The following DLG3 variants were observed in gnomAD, a reference collection of about 807,000 sequenced individuals.
DLG3 encodes discs large MAGUK scaffold protein 3.
A neutral mutation model predicts 64.1 loss-of-function variants in DLG3; 1 was observed. The ratio of observed to expected loss-of-function variants is 0.02; its 90% CI spans 0.01 to 0.07. The LOEUF is 0.07. Ranked by LOEUF, DLG3 falls within the 10% of genes least tolerant of loss-of-function variation. DLG3 has a pLI of 1.00. For synonymous variants in DLG3, 245 were observed against 259.8 expected (o/e 0.94, Z 0.55); for missense variants, 429 against 669.5 (o/e 0.64, Z 3.96).
chrX:70,452,870 A>AAC, intron 7 of DLG3: 1 of 765,300 alleles, frequency 1.3e-6, no homozygotes, highest in Non-Finnish European at 1.8e-6. Flanking sequence ...TCCTCCGAGG[A>AAC]AAGATGCTTG....
intron 12 of DLG3, 86 bp downstream of exon 12, chrX:70,492,682 G>T (rs2087379659): frequency 1.2e-6 from 1 of 867,610 alleles, no homozygotes; most frequent in South Asian, 2.1e-5. Flanking sequence ...GGAGAACTGG[G>T]GAACACAAAA....
At position 70,499,750 on chromosome X, in the gene DLG3, CACTT is replaced by C. The variant is rs1464448426; in HGVS notation, c.1973-122_1973-119del. The C allele has an allele frequency of 7.6e-6, 5 of 656,393 alleles. No individual in the cohort carries two copies. The Admixed American group carries it at 1.3e-4, about 18-fold the overall frequency. 54.1% of individuals were successfully genotyped at this position (656,393 alleles called of 1,213,427 possible). A position where few individuals can be genotyped will look rare whatever the true frequency, so the allele number is the denominator to read the frequency against. ...CGCTTCCCAACTGCTTGTTTTCTCC[CACTT>C]ACTTGAAAAAAAAAATGGAGTGGCC... On this transcript the variant is annotated intron_variant, in intron 15 of 18. Transcript: ENST00000374360.
chrX:70,454,429 G>C (rs1042168752), intron 9 of DLG3, 113 bp downstream of exon 9: 12 of 631,278 alleles, frequency 1.9e-5, no homozygotes, highest in Non-Finnish European at 2.8e-5. Context: ...CTTCTACCTA[G>C]AGCAGTAACC....
intron 9 of DLG3, among the ~76,000 whole-genome samples, chrX:70,464,168 A>C (rs2086848242): frequency 1.9e-5 from 2 of 103,259 alleles, no homozygotes; most frequent in African/African-American, 3.5e-5. Flanking sequence ...ATAGACTTTT[A>C]TTTCCTTCCT....
chrX:70,496,635 G>C (rs1011438621), intron 13 of DLG3, among the ~76,000 whole-genome samples: 5 of 112,460 alleles, frequency 4.4e-5, no homozygotes, highest in African/African-American at 1.6e-4. Context: ...AGGCTCTCCT[G>C]CTTTGGAGTG....
At chrX:70,486,742 C>T (rs930834872) in intron 10 of DLG3, among the ~76,000 whole-genome samples, 1 of 106,100 alleles carries the variant, frequency 9.4e-6, no homozygotes, top group Non-Finnish European at 1.9e-5. Context: ...ATGTGTAGGA[C>T]TTCCGTCCTG....
At position 70,445,120 on chromosome X, in the gene DLG3, C is replaced by A; in HGVS notation, c.-82C>A. 1.3e-6 allele frequency: 1 copy of A among 792,276 alleles called. No homozygotes were observed. The highest frequency in any genetic ancestry group is 1.7e-6 in the Non-Finnish European group (1 of 581,366). 65.3% of individuals were successfully genotyped at this position (792,276 alleles called of 1,213,427 possible). The stretch of plus-strand genomic sequence containing the variant: ...GTGAGTGTGCCAGGGAGCCCGGCGG[C>A]GGCGGCGGCGGTGGTGGCGGCGGTG... On this transcript the variant is annotated 5_prime_UTR_variant, in exon 1 of 19. Transcript: ENST00000374360.
intron 9 of DLG3, among the ~76,000 whole-genome samples, chrX:70,466,261 G>A (rs2086884641): frequency 9.5e-6 from 1 of 104,763 alleles, no homozygotes; most frequent in Non-Finnish European, 2.0e-5. Context: ...GTGTGTGTGT[G>A]TGTGTGTGTG....
intron 9 of DLG3, among the ~76,000 whole-genome samples, chrX:70,458,512 G>A (rs1007974859): frequency 9.0e-6 from 1 of 110,593 alleles, no homozygotes; most frequent in Non-Finnish European, 1.9e-5. Context: ...GGCTGGCCTC[G>A]AACTCCTGGC....
intron 18 of DLG3, among the ~76,000 whole-genome samples, chrX:70,501,774 A>T (rs780253517): frequency 1.1e-3 from 121 of 111,919 alleles, no homozygotes; most frequent in African/African-American, 3.9e-3. Context: ...CAAATCTTTT[A>T]GTAAGGCTGC....
intron 9 of DLG3, among the ~76,000 whole-genome samples, chrX:70,462,546 C>T (rs1324144950): frequency 8.9e-6 from 1 of 111,746 alleles, no homozygotes; most frequent in Non-Finnish European, 1.9e-5. Flanking sequence ...GCGCGAGCCA[C>T]CATACCCGGC....
intron 9 of DLG3, among the ~76,000 whole-genome samples, chrX:70,456,853 A>G (rs1489622732): frequency 1.6e-4 from 18 of 111,047 alleles, no homozygotes; most frequent in Non-Finnish European, 9.4e-5. Flanking sequence ...GTAAAGTGCT[A>G]GTTTTTAAAA....
At chrX:70,459,644 G>A (rs2086769834) in intron 9 of DLG3, among the ~76,000 whole-genome samples, 1 of 112,315 alleles carries the variant, frequency 8.9e-6, no homozygotes, top group African/African-American at 3.2e-5. Flanking sequence ...TGTGTCCCCA[G>A]CGTCTAGTAT....
chrX:70,498,712 T>C, intron 14 of DLG3, 142 bp downstream of exon 14: 1 of 573,240 alleles, frequency 1.7e-6, no homozygotes, highest in Admixed American at 2.7e-5. Flanking sequence ...CTGGGCTCCT[T>C]CTTCTCTATG....
intron 1 of DLG3, among the ~76,000 whole-genome samples, chrX:70,447,737 T>A (rs1377798534): frequency 8.9e-6 from 1 of 112,184 alleles, no homozygotes; most frequent in Non-Finnish European, 1.9e-5. Context: ...GGCTTCTCCA[T>A]TCTTGGAGGT....
chrX:70,501,413 C>CTGTCTGTCTGTGTGTGTGTGTG (rs1421730747), intron 18 of DLG3, among the ~76,000 whole-genome samples: 2 of 93,884 alleles, frequency 2.1e-5, no homozygotes, highest in Non-Finnish European at 4.2e-5. Flanking sequence ...GTCTGTCTGT[C>CTGTCTGTCTGTGTGTGTGTGTG]TGTGTGTGTG....
At chrX:70,467,499 G>T (rs1025846214) in intron 9 of DLG3, among the ~76,000 whole-genome samples, 1 of 111,977 alleles carries the variant, frequency 8.9e-6, no homozygotes, top group Non-Finnish European at 1.9e-5. Flanking sequence ...ATTTCTCCAG[G>T]TCCCATTTTC....
In DLG3 at chrX:70,462,544, C is replaced by T. The variant is rs1378380970; in HGVS notation, c.1405+8228C>T. Among the ~76,000 whole-genome samples the T allele has an allele frequency of 2.7e-5, 3 of 111,779 alleles. No homozygotes were observed. In the East Asian group the frequency reaches 8.4e-4, roughly 31 times the overall value. The stretch of plus-strand genomic sequence containing the variant: ...AAGTGCTAGGATTACAGGCGCGAGC[C>T]ACCATACCCGGCCACTTGATTACTT... On this transcript the variant is annotated intron_variant, in intron 9 of 18. Coordinates refer to ENST00000374360, the MANE Select transcript of DLG3 (RefSeq NM_021120.4).
chrX:70,449,455 G>A lies in DLG3; in HGVS notation c.505G>A (p.Gly169Arg). 8.3e-7 allele frequency: 1 copy of A among 1,211,627 alleles called. No individual in the cohort carries two copies. Among genetic ancestry groups the A allele is most frequent in the Non-Finnish European group, 1.1e-6 (1 of 895,381 alleles). Residue 169 changes from glycine to arginine, a missense_variant, in exon 3 of 19, where the codon GGA becomes AGA. This residue lies in a region of DLG3 where 73 missense variants were observed against 158.5 expected (regional missense o/e 0.46). Coordinates refer to ENST00000374360, the MANE Select transcript of DLG3 (RefSeq NM_021120.4). ...CTTTATTACCAAGATTATCCCTGGT[G>A]GAGCAGCTGCCATGGATGGGAGGCT... ...GIFITKIIPG[G>R]AAAMDGRLGV...
Sources: allele counts gnomAD v4.1 joint callset (sites outside exome capture counted in the v4.1 genomes callset), GRCh38; gene constraint gnomAD v4.1.1; regional missense constraint gnomAD v4.1.1; transcripts MANE v1.5; gene names NCBI Gene and HGNC (gene_info 2026-07-23, HGNC 2026-07-21).